Variants in GRID1 observed in about 807,000 individuals in gnomAD.
GRID1 encodes glutamate receptor ionotropic, delta-1.
A neutral mutation model predicts 98.0 loss-of-function variants in GRID1; 28 were observed. That is an observed-to-expected ratio of 0.29 (90% confidence interval 0.21 to 0.39). The LOEUF is 0.39. Ranked by LOEUF, GRID1 falls within the 10% of genes least tolerant of loss-of-function variation. The pLI, the probability that GRID1 is intolerant of heterozygous loss-of-function variation, is 1.00. For missense variants in GRID1, 1,111 were observed against 1,340.5 expected (o/e 0.83, Z 2.67); for synonymous variants, 553 against 538.5 (o/e 1.03, Z -0.37).
intron 4 of GRID1, among the ~76,000 whole-genome samples, chr10:85,934,757 G>A (rs1425140912): frequency 1.3e-5 from 2 of 152,120 alleles, no homozygotes; most frequent in East Asian, 1.9e-4. Flanking sequence ...TGCCAGTCAC[G>A]CTGGCTGGGG....
Position 85,600,523 on chromosome 10 carries a change from T to C in GRID1, c.*1750A>G, listed in dbSNP as rs184893720. 20 of 152,312 alleles carry C rather than the reference T, an allele frequency of 1.3e-4. No individual in the cohort carries two copies. The highest frequency in any genetic ancestry group is 3.9e-4 in the Admixed American group (6 of 15,302). The allele number at this position is 152,312 out of a possible 1,614,324, so 9.4% of individuals were successfully genotyped here. A position where few individuals can be genotyped will look rare whatever the true frequency, so the allele number is the denominator to read the frequency against. On this transcript the variant is annotated 3_prime_UTR_variant, in exon 16 of 16. Transcript: ENST00000327946. The stretch of plus-strand genomic sequence containing the variant: ...ACAAGGCTATAGAAGAAGCAATCAA[T>C]AGGACTTTGTATTTCTCCATGATCA...
chr10:85,816,565 T>A (rs1842717618), intron 8 of GRID1, among the ~76,000 whole-genome samples: 2 of 152,198 alleles, frequency 1.3e-5, no homozygotes, highest in Non-Finnish European at 2.9e-5. Context: ...AAGACAATTT[T>A]TAGGGTGATG....
At chr10:86,247,246 CAGAT>C (rs72404633) in intron 2 of GRID1, among the ~76,000 whole-genome samples, 18,945 of 131,650 alleles carry the variant, frequency 0.14, 1,621 homozygotes, top group African/African-American at 0.26. Flanking sequence ...GAGGGATGGA[CAGAT>C]GGATGGATAG....
chr10:85,755,291 A>G (rs1408807437), intron 8 of GRID1, among the ~76,000 whole-genome samples: 1 of 152,214 alleles, frequency 6.6e-6, no homozygotes, highest in African/African-American at 2.4e-5. Flanking sequence ...GAGCTAATGG[A>G]GCCTGCTCCT....
At chr10:86,102,849 G>T (rs1265453635) in intron 4 of GRID1, among the ~76,000 whole-genome samples, 4 of 152,166 alleles carry the variant, frequency 2.6e-5, no homozygotes, top group East Asian at 1.9e-4. Context: ...ACATGTCATG[G>T]GAGGCACCCA....
At chr10:86,267,596 G>A (rs1465616155) in intron 2 of GRID1, among the ~76,000 whole-genome samples, 1 of 152,202 alleles carries the variant, frequency 6.6e-6, no homozygotes, top group Non-Finnish European at 1.5e-5. Flanking sequence ...GCAGGGACGG[G>A]GCCCTTGCTG....
chr10:85,754,747 G>A (rs1391282451), intron 8 of GRID1, among the ~76,000 whole-genome samples: 1 of 152,154 alleles, frequency 6.6e-6, no homozygotes, highest in East Asian at 1.9e-4. Context: ...GGCTGGGTTT[G>A]GGGGTCAAAC....
chr10:85,655,759 CT>C (rs1840888184), intron 12 of GRID1, among the ~76,000 whole-genome samples: 1 of 152,160 alleles, frequency 6.6e-6, no homozygotes, highest in South Asian at 2.1e-4. Context: ...AGAGAACTCC[CT>C]TCTCGAAAAC....
chr10:86,063,748 A>G (rs1329039989), intron 4 of GRID1, among the ~76,000 whole-genome samples: 2 of 152,258 alleles, frequency 1.3e-5, no homozygotes, highest in Non-Finnish European at 2.9e-5. Context: ...TTCCATATTT[A>G]TAAAATAAAG....
chr10:85,950,563 A>C (rs1842107331), intron 4 of GRID1, among the ~76,000 whole-genome samples: 1 of 152,224 alleles, frequency 6.6e-6, no homozygotes, highest in Non-Finnish European at 1.5e-5. Flanking sequence ...CTTGTCAAGG[A>C]GCAGAGGGGG....
At chr10:85,719,947 C>A (rs749626197) in intron 12 of GRID1, among the ~76,000 whole-genome samples, 1 of 152,164 alleles carries the variant, frequency 6.6e-6, no homozygotes, top group Non-Finnish European at 1.5e-5. Context: ...AATTTGACCT[C>A]ATCAAAATTA....
intron 13 of GRID1, among the ~76,000 whole-genome samples, chr10:85,642,451 A>T (rs574048964): frequency 6.6e-6 from 1 of 152,302 alleles, no homozygotes; most frequent in African/African-American, 2.4e-5. Flanking sequence ...CCCTGGAGCT[A>T]TTTCTCTTGT....
chr10:85,875,748 C>CAA (rs1207737776), intron 5 of GRID1, among the ~76,000 whole-genome samples: 1 of 152,130 alleles, frequency 6.6e-6, no homozygotes, highest in African/African-American at 2.4e-5. Flanking sequence ...CACCATTATC[C>CAA]CAACTAACAC....
In GRID1 at chr10:85,988,178, C is replaced by A. The variant is rs966496887; in HGVS notation, c.727-71939G>T. Among the ~76,000 whole-genome samples the A allele has an allele frequency of 7.7e-4, 117 of 152,136 alleles. 5 individuals are homozygous for A. The highest frequency in any genetic ancestry group is 6.5e-5 in the Admixed American group (1 of 15,278). Reference sequence around the variant, plus strand: ...CCTGCTGGATTTAAGTGACCCCACCCCACTCCCCACTACTCTCCCAATACC... The same window carrying A: ...CCTGCTGGATTTAAGTGACCCCACCACACTCCCCACTACTCTCCCAATACC... On this transcript the variant is annotated intron_variant, in intron 4 of 15. Coordinates refer to ENST00000327946, the MANE Select transcript of GRID1 (RefSeq NM_017551.3).
At chr10:85,981,381 A>T (rs560135258) in intron 4 of GRID1, among the ~76,000 whole-genome samples, 4 of 152,216 alleles carry the variant, frequency 2.6e-5, no homozygotes, top group Non-Finnish European at 4.4e-5. Context: ...TTCGCAGATC[A>T]TCAGCCTTTG....
chr10:85,988,707 G>A (rs1429317867), intron 4 of GRID1, among the ~76,000 whole-genome samples: 2 of 152,232 alleles, frequency 1.3e-5, no homozygotes, highest in Non-Finnish European at 1.5e-5. Context: ...CTAGATGCAC[G>A]TGGGTATGGG....
At chr10:86,058,595 C>A (rs1330753200) in intron 4 of GRID1, among the ~76,000 whole-genome samples, 3 of 152,180 alleles carry the variant, frequency 2.0e-5, no homozygotes, top group African/African-American at 7.2e-5. Flanking sequence ...TTTCCTGAGC[C>A]CATCAGATCT....
At chr10:85,865,912 C>CATATATATATATATATATATATAT (rs375258556) in intron 6 of GRID1, among the ~76,000 whole-genome samples, 2 of 83,090 alleles carry the variant, frequency 2.4e-5, no homozygotes, top group African/African-American at 5.6e-5. Context: ...TACATATATA[C>CATATATATATATATATATATATAT]ATATATATAT....
At chr10:86,236,268 A>C (rs1250951176) in intron 2 of GRID1, among the ~76,000 whole-genome samples, 1 of 152,194 alleles carries the variant, frequency 6.6e-6, no homozygotes, top group African/African-American at 2.4e-5. Flanking sequence ...AGACTCATTT[A>C]TATGTTCTGG....
Sources: allele counts gnomAD v4.1 joint callset (sites outside exome capture counted in the v4.1 genomes callset), GRCh38; gene constraint gnomAD v4.1.1; transcripts MANE v1.5; gene names NCBI Gene and HGNC (gene_info 2026-07-23, HGNC 2026-07-21).